Variants in ADGRL2 observed in about 807,000 individuals in gnomAD.
The protein encoded by ADGRL2 is calcium-independent alpha-latrotoxin receptor 2.
A neutral mutation model predicts 157.4 loss-of-function variants in ADGRL2; 44 were observed. That is an observed-to-expected ratio of 0.28 (90% CI 0.22 to 0.36). ADGRL2 has a LOEUF of 0.36. ADGRL2 is among the 10% of genes least tolerant of loss of function. ADGRL2 has a pLI of 1.00. For missense variants in ADGRL2, 1,510 were observed against 1,768.9 expected (o/e 0.85, Z 2.63); for synonymous variants, 585 against 624.7 (o/e 0.94, Z 0.95).
At chr1:81,465,384 T>C (rs547752954) in intron 2 of ADGRL2, among the ~76,000 whole-genome samples, 1 of 152,278 alleles carries the variant, frequency 6.6e-6, no homozygotes, top group East Asian at 1.9e-4. Context: ...TTTTTCACTA[T>C]AAGATAATAT....
At chr1:81,961,640 T>C (rs558351988) in intron 11 of ADGRL2, among the ~76,000 whole-genome samples, 26 of 151,964 alleles carry the variant, frequency 1.7e-4, no homozygotes, top group African/African-American at 5.8e-4. Context: ...CCTGAGTAGC[T>C]GAGACTACAG....
Position 81,467,501 on chromosome 1 carries a change from A to G in ADGRL2, c.-248+22412A>G, listed in dbSNP as rs184390507. Among the ~76,000 whole-genome samples, 10 of 152,322 alleles carry G rather than the reference A, an allele frequency of 6.6e-5. No homozygotes were observed. In the East Asian group the frequency reaches 1.7e-3, roughly 26 times the overall value. On this transcript the variant is annotated intron_variant, in intron 2 of 24. Transcript: ENST00000370721. ...TCCAGTCAGAGCCTAGCTAATGAATATAAGTTACCTTAGCCGGTTTTAGCT... is the reference window on the plus strand; with the variant it reads ...TCCAGTCAGAGCCTAGCTAATGAATGTAAGTTACCTTAGCCGGTTTTAGCT...
At chr1:81,426,779 T>A in intron 1 of ADGRL2, 1 of 463,528 alleles carries the variant, frequency 2.2e-6, no homozygotes, top group South Asian at 1.7e-5. Context: ...GAACCAAAGA[T>A]AACTCTTTCT....
At chr1:81,797,751 C>T (rs1498215), upstream of ADGRL2, among the ~76,000 whole-genome samples, 138,107 of 152,196 alleles carry the variant, frequency 0.91, 62,827 homozygotes, top group East Asian at 0.97. Flanking sequence ...TATGAACCCA[C>T]TGAATAAAAT....
chr1:81,555,066 A>C (rs916916861), intron 2 of ADGRL2, among the ~76,000 whole-genome samples: 14 of 151,936 alleles, frequency 9.2e-5, no homozygotes, highest in East Asian at 2.0e-4. Context: ...ATGTCAGTAC[A>C]TGTGGGAAGG....
At position 81,788,346 on chromosome 1, in the gene ADGRL2, T is replaced by G. The variant is rs555575692; in HGVS notation, c.-101+26494T>G. ...TGGCTTGGGGTCCTCCCCACAGTAGTGTGTTCATGCAAGATCTGGTTGTTG... is the reference window on the plus strand; with the variant it reads ...TGGCTTGGGGTCCTCCCCACAGTAGGGTGTTCATGCAAGATCTGGTTGTTG... On this transcript the variant is annotated intron_variant, in intron 2 of 20. Coordinates refer to the ADGRL2 transcript ENST00000359929. Among the ~76,000 whole-genome samples the G allele has an allele frequency of 2.0e-5, 3 of 152,198 alleles. No homozygotes were observed. In the East Asian group the frequency reaches 5.8e-4, roughly 29 times the overall value.
chr1:81,373,630 A>G (rs35437963), intron 1 of ADGRL2, among the ~76,000 whole-genome samples: 1 of 152,292 alleles, frequency 6.6e-6, no homozygotes, highest in Non-Finnish European at 1.5e-5. Context: ...TAAAACATGG[A>G]AAAAAATAAG....
chr1:81,427,645 G>T, intron 1 of ADGRL2: 1 of 524,664 alleles, frequency 1.9e-6, no homozygotes. Context: ...CTCTTAGCAG[G>T]AGAGAGAGAG....
At chr1:81,635,399 T>C (rs191897209) in intron 3 of ADGRL2, among the ~76,000 whole-genome samples, 55 of 152,322 alleles carry the variant, frequency 3.6e-4, no homozygotes, top group Middle Eastern at 6.8e-3. Flanking sequence ...AAAGCACTTC[T>C]CTCAAACCTT....
At chr1:81,512,187 T>C (rs1055831792) in intron 2 of ADGRL2, among the ~76,000 whole-genome samples, 1 of 152,254 alleles carries the variant, frequency 6.6e-6, no homozygotes, top group Non-Finnish European at 1.5e-5. Flanking sequence ...AATGGGTTAC[T>C]TGAAGAGTTT....
At chr1:81,528,646 C>CAAAAAA (rs59842382) in intron 2 of ADGRL2, among the ~76,000 whole-genome samples, 1,651 of 113,986 alleles carry the variant, frequency 0.014, 4 homozygotes, top group Non-Finnish European at 0.018. Flanking sequence ...GACTCCATCT[C>CAAAAAA]AAAAAAAAAA....
intron 3 of ADGRL2, among the ~76,000 whole-genome samples, chr1:81,655,844 A>G (rs1364899506): frequency 6.6e-6 from 1 of 151,920 alleles, no homozygotes; most frequent in African/African-American, 2.4e-5. Context: ...TACTGCAGAT[A>G]TTTGTGCCAT....
At chr1:81,905,121 G>A (rs2094560132) in intron 2 of ADGRL2, among the ~76,000 whole-genome samples, 1 of 150,136 alleles carries the variant, frequency 6.7e-6, no homozygotes, top group Admixed American at 6.6e-5. Flanking sequence ...TTTGAGATGG[G>A]AGTTTGGCTC....
chr1:81,980,749 C>G (rs1572496194), intron 18 of ADGRL2: 1 of 633,950 alleles, frequency 1.6e-6, no homozygotes, highest in South Asian at 2.1e-5. Context: ...TTTAGCATCT[C>G]TCTCTTTTCT....
chr1:81,626,941 G>A (rs1207425878), intron 3 of ADGRL2, among the ~76,000 whole-genome samples: 2 of 152,100 alleles, frequency 1.3e-5, no homozygotes, highest in Non-Finnish European at 2.9e-5. Flanking sequence ...AGGGTAGGTG[G>A]GGACAGCTGA....
intron 2 of ADGRL2, among the ~76,000 whole-genome samples, chr1:81,466,762 T>C (rs2078064307): frequency 6.6e-6 from 1 of 152,148 alleles, no homozygotes; most frequent in Non-Finnish European, 1.5e-5. Context: ...GTTCATTTAA[T>C]TCCTAGCCAA....
intron 3 of ADGRL2, among the ~76,000 whole-genome samples, chr1:81,581,436 G>C (rs1412952414): frequency 6.6e-6 from 1 of 152,132 alleles, no homozygotes; most frequent in Non-Finnish European, 1.5e-5. Context: ...AGTAAACTAG[G>C]TTATCTACTC....
At chr1:81,311,882 G>C (rs994993132) in intron 1 of ADGRL2, among the ~76,000 whole-genome samples, 1 of 152,128 alleles carries the variant, frequency 6.6e-6, no homozygotes, top group African/African-American at 2.4e-5. Context: ...GAAAGACAAA[G>C]AGTAAAATAC....
chr1:81,740,065 T>G (rs1471792632), intron 1 of ADGRL2, among the ~76,000 whole-genome samples: 1 of 152,172 alleles, frequency 6.6e-6, no homozygotes, highest in African/African-American at 2.4e-5. Flanking sequence ...AAATAAATAT[T>G]ATGATGTCAA....
Sources: allele counts gnomAD v4.1 joint callset (sites outside exome capture counted in the v4.1 genomes callset), GRCh38; gene constraint gnomAD v4.1.1; transcripts MANE v1.5; gene names NCBI Gene and HGNC (gene_info 2026-07-23, HGNC 2026-07-21).